The following SAR1B variants were observed in gnomAD, a reference collection of about 807,000 sequenced individuals.
The protein encoded by SAR1B is secretion associated Ras related GTPase 1B, also known as small COPII coat GTPase SAR1B.
In SAR1B, 23 loss-of-function variants were observed where a neutral mutation model predicts 26.8. The observed-to-expected ratio is 0.86, with a 90% CI of 0.62 to 1.22. The LOEUF (loss-of-function observed/expected upper bound fraction) is 1.22. Among genes scored for constraint, SAR1B ranks in the 50% most tolerant of loss-of-function variants. The pLI is 0.00. For synonymous variants in SAR1B, 65 were observed against 80.8 expected (o/e 0.80, Z 1.05); for missense variants, 196 against 232.8 (o/e 0.84, Z 1.03).
chr5:134,628,310 T>G (rs1447077212), intron 1 of SAR1B, among the ~76,000 whole-genome samples: 2 of 150,004 alleles, frequency 1.3e-5, no homozygotes, highest in Non-Finnish European at 1.5e-5. Context: ...AAATACACAT[T>G]AGTTCTCAGG....
intron 1 of SAR1B, among the ~76,000 whole-genome samples, chr5:134,628,305 C>T (rs1765535749): frequency 6.7e-6 from 1 of 150,232 alleles, no homozygotes; most frequent in African/African-American, 2.4e-5. Flanking sequence ...ATAAAAAATA[C>T]ACATTAGTTC....
At chr5:134,616,017 G>A (rs1765308451) in intron 3 of SAR1B, among the ~76,000 whole-genome samples, 1 of 151,010 alleles carries the variant, frequency 6.6e-6, no homozygotes, top group Admixed American at 6.6e-5. Context: ...GCAGATGCCT[G>A]TAATCCTAGC....
Position 134,612,652 on chromosome 5 carries a change from A to T in SAR1B, c.244+39T>A, listed in dbSNP as rs1229192431. The T allele has an allele frequency of 1.0e-4, 43 of 413,508 alleles. No individual in the cohort carries two copies. In the East Asian group the frequency reaches 2.1e-3, roughly 20 times the overall value. The allele number at this position is 413,508 out of a possible 1,614,324, so 25.6% of individuals were successfully genotyped here. On this transcript the variant is annotated intron_variant, in intron 4 of 6. Transcript: ENST00000402673. ...AGAGTGAGCCTGTCTAAAAAAAAAAAAAAAAAAAAAAAAAAAAAAAAAAAA... is the reference window on the plus strand; with the variant it reads ...AGAGTGAGCCTGTCTAAAAAAAAAATAAAAAAAAAAAAAAAAAAAAAAAAA...
intron 1 of SAR1B, chr5:134,631,856 G>A (rs1765610419): frequency 1.3e-5 from 2 of 152,250 alleles, no homozygotes; most frequent in Admixed American, 1.3e-4. Flanking sequence ...CTGAGGTCAG[G>A]AGTTGGAGAC....
chr5:134,621,484 AAATAAAT>A (rs1258851021), intron 2 of SAR1B, among the ~76,000 whole-genome samples: 1 of 10,638 alleles, frequency 9.4e-5, no homozygotes, highest in Non-Finnish European at 7.5e-4. Flanking sequence ...AAAAATAAAT[AAATAAAT>A]AAATAAATAA....
chr5:134,612,910 G>A (rs537798610), intron 3 of SAR1B, 154 bp from the exon 4 acceptor site: 27 of 651,880 alleles, frequency 4.1e-5, no homozygotes, highest in South Asian at 3.5e-4. Flanking sequence ...TCAAAGACCC[G>A]TGCTAACATT....
chr5:134,617,061 T>G (rs138377239), intron 3 of SAR1B, among the ~76,000 whole-genome samples: 1 of 152,216 alleles, frequency 6.6e-6, no homozygotes, highest in East Asian at 1.9e-4. Context: ...TGAAACCCTA[T>G]CTCTACAAAT....
chr5:134,630,897 T>C (rs1309513361), intron 1 of SAR1B, among the ~76,000 whole-genome samples: 5 of 139,236 alleles, frequency 3.6e-5, no homozygotes, highest in African/African-American at 7.8e-5. Flanking sequence ...TTCTTTTTTT[T>C]TTTTTTTTTT....
At chr5:134,610,045 A>G (rs1765188548) in intron 4 of SAR1B, among the ~76,000 whole-genome samples, 1 of 151,812 alleles carries the variant, frequency 6.6e-6, no homozygotes, top group Non-Finnish European at 1.5e-5. Context: ...ATATACATAA[A>G]ATGTGTGTAT....
Position 134,608,372 on chromosome 5 carries a change from C to G in SAR1B, c.480G>C (p.Lys160Asn). 1 of 1,535,646 alleles carries G rather than the reference C, an allele frequency of 6.5e-7. No individual in the cohort carries two copies. Among genetic ancestry groups the G allele is most frequent in the Non-Finnish European group, 8.7e-7 (1 of 1,143,916 alleles). ...ATCATAATTTTTTTTTTTTTTTTAC[C>G]TTTCCTGTTGTCTGACCATATAAAC... ...MFGLYGQTTG[K>N]GSISLKELNA... Residue 160 changes from lysine (K) to asparagine (N), a missense_variant and splice_region_variant, in exon 6 of 7, where the codon AAG becomes AAC. By Grantham distance (94) the Lys-to-Asn change is moderately conservative. Coordinates refer to ENST00000402673, the MANE Select transcript of SAR1B (RefSeq NM_016103.4).
chr5:134,611,157 C>T (rs778187953), intron 4 of SAR1B, among the ~76,000 whole-genome samples: 14 of 152,146 alleles, frequency 9.2e-5, no homozygotes, highest in South Asian at 4.1e-4. Flanking sequence ...AGACCCCACA[C>T]CCAGCCATTA....
intron 3 of SAR1B, among the ~76,000 whole-genome samples, chr5:134,616,002 T>C (rs1049034932): frequency 1.3e-5 from 2 of 150,388 alleles, no homozygotes; most frequent in Non-Finnish European, 3.0e-5. Flanking sequence ...TAGCCAGGCG[T>C]GGTGGCAGAT....
intron 6 of SAR1B, 73 bp from the exon 7 acceptor site, chr5:134,607,139 G>A: frequency 1.0e-6 from 1 of 969,518 alleles, no homozygotes; most frequent in Non-Finnish European, 1.7e-6. Context: ...CAGAATTATA[G>A]GTTCTATTTT....
rs534265466 is a variant in SAR1B at position 134,619,006 on chromosome 5, A to G, written c.178+1927T>C. The stretch of plus-strand genomic sequence containing the variant: ...GAGTGAGACTCTGTCTCAAAAAAGG[A>G]AAAAAAAAAAATTAGAGTCATTATT... On this transcript the variant is annotated intron_variant, in intron 3 of 6. Transcript: ENST00000402673. Among the ~76,000 whole-genome samples the G allele has an allele frequency of 8.2e-3, 1,168 of 141,928 alleles. 17 individuals carry two copies. The highest frequency in any genetic ancestry group is 0.029 in the African/African-American group (1,104 of 38,542). The allele number at this position is 141,928 out of a possible 152,430, so 93.1% of individuals were successfully genotyped here.
At position 134,604,582 on chromosome 5, in the gene SAR1B, T is replaced by C. The variant is rs1166645428; in HGVS notation, c.*2368A>G. On this transcript the variant is annotated 3_prime_UTR_variant, in exon 7 of 7. Transcript: ENST00000402673. ...CTGGTTGCTCCTAAACATGGCTTCC[T>C]TTCTAGAGGCTCGGGCCATAAAAAT... 1 of 152,232 alleles carries C rather than the reference T, an allele frequency of 6.6e-6. No individual in the cohort carries two copies. Among genetic ancestry groups the C allele is most frequent in the African/African-American group, 2.4e-5 (1 of 41,460 alleles). 9.4% of individuals were successfully genotyped at this position (152,232 alleles called of 1,614,324 possible).
At chr5:134,630,456 C>CA (rs773343974) in intron 1 of SAR1B, among the ~76,000 whole-genome samples, 901 of 41,206 alleles carry the variant, frequency 0.022, 11 homozygotes, top group African/African-American at 0.044. Context: ...AACTCTATCT[C>CA]AAAAAAAAAA....
intron 1 of SAR1B, among the ~76,000 whole-genome samples, chr5:134,624,493 C>G (rs1765463649): frequency 6.6e-6 from 1 of 151,862 alleles, no homozygotes; most frequent in African/African-American, 2.4e-5. Flanking sequence ...TGCACTCCAG[C>G]CAGGGTGACA....
chr5:134,631,982 G>A (rs1214695758), intron 1 of SAR1B: 2 of 152,240 alleles, frequency 1.3e-5, no homozygotes, highest in African/African-American at 2.4e-5. Flanking sequence ...GGCGGATCAC[G>A]AGGTCAGGAG....
At position 134,604,331 on chromosome 5, in the gene SAR1B, T is replaced by G. The variant is rs1473493388; in HGVS notation, c.*2619A>C. 2 of 152,230 alleles carry G rather than the reference T, an allele frequency of 1.3e-5. No individual in the cohort carries two copies. The highest frequency in any genetic ancestry group is 4.8e-5 in the African/African-American group (2 of 41,452). 9.4% of individuals were successfully genotyped at this position (152,230 alleles called of 1,614,324 possible). On this transcript the variant is annotated 3_prime_UTR_variant, in exon 7 of 7. Coordinates refer to ENST00000402673, the MANE Select transcript of SAR1B (RefSeq NM_016103.4). Reference sequence around the variant, plus strand: ...GTGTGGGACACACAATTAGCCTATGTCCCCAGTACTAGTATTTACCTGGGA... The same window carrying G: ...GTGTGGGACACACAATTAGCCTATGGCCCCAGTACTAGTATTTACCTGGGA...
Sources: gnomAD v4.1 joint callset for allele counts (sites outside exome capture counted in the v4.1 genomes callset) on GRCh38, gnomAD v4.1.1 for gene constraint, MANE v1.5 for transcripts, NCBI Gene and HGNC (gene_info 2026-07-23, HGNC 2026-07-21) for gene names.